Variants in CSMD2 observed in about 807,000 individuals in gnomAD.
The protein encoded by CSMD2 is CUB and Sushi multiple domains 2.
Under a neutral mutation model 398.5 loss-of-function variants are expected in CSMD2, and 130 were observed. That is an observed-to-expected ratio of 0.33 (90% confidence interval 0.28 to 0.38). The LOEUF (loss-of-function observed/expected upper bound fraction) is 0.38. Ranked by LOEUF, CSMD2 falls within the 10% of genes least tolerant of loss-of-function variation. The pLI is 1.00. For synonymous variants in CSMD2, 1,828 were observed against 1,908.5 expected, an observed-to-expected ratio of 0.96 and a Z score of 1.10; for missense variants, 3,829 against 4,764.9, an observed-to-expected ratio of 0.80 and a Z score of 5.78.
At chr1:34,046,382 C>T (rs1030877463) in intron 2 of CSMD2, among the ~76,000 whole-genome samples, 1 of 152,164 alleles carries the variant, frequency 6.6e-6, no homozygotes. Flanking sequence ...AATACTTATT[C>T]AGTTATTTGG....
In CSMD2 at chr1:33,694,171, C is replaced by T. The variant is rs537273615; in HGVS notation, c.3926-1115G>A. ...AGTGAAGGAAGTCAGACACATTGTG[C>T]GATTCCACTTATGTGAAATACCTAG... is the stretch of plus-strand genomic sequence containing the variant. On this transcript the variant is annotated intron_variant, in intron 24 of 70. Coordinates refer to ENST00000373381, the MANE Select transcript of CSMD2 (RefSeq NM_001281956.2). Among the ~76,000 whole-genome samples, 69 of 152,256 alleles carry T rather than the reference C, an allele frequency of 4.5e-4. No homozygotes were observed. In the South Asian group the frequency reaches 4.6e-3, roughly 10 times the overall value.
At chr1:33,527,398 G>A in intron 64 of CSMD2, 140 bp from the exon 65 acceptor site, 1 of 628,272 alleles carries the variant, frequency 1.6e-6, no homozygotes, top group South Asian at 2.1e-5. Flanking sequence ...TAGACCAGGA[G>A]GTAGACTGCT....
At chr1:33,565,241 G>T (rs6693247) in intron 53 of CSMD2, among the ~76,000 whole-genome samples, 70,366 of 151,930 alleles carry the variant, frequency 0.46, 16,739 homozygotes, top group Admixed American at 0.62. Flanking sequence ...AACAAATCTT[G>T]GTATGTCAAT....
At chr1:33,904,016 T>A (rs762094379) in intron 5 of CSMD2, among the ~76,000 whole-genome samples, 1 of 152,026 alleles carries the variant, frequency 6.6e-6, no homozygotes, top group African/African-American at 2.4e-5. Flanking sequence ...GCACAGAGAA[T>A]GGGTGTGAGT....
intron 42 of CSMD2, among the ~76,000 whole-genome samples, chr1:33,603,009 C>T (rs1640330072): frequency 6.6e-6 from 1 of 152,090 alleles, no homozygotes; most frequent in Non-Finnish European, 1.5e-5. Flanking sequence ...GTTGAGGGTT[C>T]CTGGGGTGAG....
intron 5 of CSMD2, among the ~76,000 whole-genome samples, chr1:33,901,581 G>A (rs1008974871): frequency 5.9e-5 from 9 of 152,200 alleles, no homozygotes; most frequent in African/African-American, 1.9e-4. Context: ...GCATCTAAAG[G>A]TTTCAGGAGG....
intron 16 of CSMD2, 115 bp from the exon 17 acceptor site, chr1:33,725,651 G>C: frequency 1.1e-6 from 1 of 884,502 alleles, no homozygotes; most frequent in South Asian, 1.6e-5. Flanking sequence ...GGCAGGCTGG[G>C]ATCTTTTAAT....
At chr1:34,129,831 G>A (rs1663147444) in intron 1 of CSMD2, among the ~76,000 whole-genome samples, 1 of 152,182 alleles carries the variant, frequency 6.6e-6, no homozygotes, top group African/African-American at 2.4e-5. Flanking sequence ...AGCCTGGCCT[G>A]CAGAGTCAGA....
chr1:33,652,410 T>C lies in CSMD2; in HGVS notation c.4499A>G (p.Asn1500Ser), dbSNP rs1407585906. 2 of 1,614,112 alleles carry C rather than the reference T, an allele frequency of 1.2e-6. No individual in the cohort carries two copies. Among genetic ancestry groups the C allele is most frequent in the Non-Finnish European group, 8.5e-7 (1 of 1,180,012 alleles). ...TGPSGVILSP[N>S]YPEPYPPGKE... ...GCCTGGCGGGTAGGGTTCTGGGTAATTTGGTGAGAGGATGACTCCAGATGG... is the reference window on the plus strand; with the variant it reads ...GCCTGGCGGGTAGGGTTCTGGGTAACTTGGTGAGAGGATGACTCCAGATGG... The change falls in exon 28 of 71, where the codon AAT becomes AGT. Residue 1500 changes from asparagine (N) to serine (S), a missense_variant. Asn to Ser is a conservative substitution (Grantham distance 46). Coordinates refer to ENST00000373381, the MANE Select transcript of CSMD2 (RefSeq NM_001281956.2).
intron 1 of CSMD2, among the ~76,000 whole-genome samples, chr1:34,127,970 C>T (rs971015386): frequency 3.9e-5 from 6 of 152,052 alleles, no homozygotes; most frequent in Non-Finnish European, 8.8e-5. Flanking sequence ...CCACACCCAT[C>T]GTCCCACCCT....
At chr1:33,812,574 G>A (rs763224701) in intron 9 of CSMD2, among the ~76,000 whole-genome samples, 3 of 152,252 alleles carry the variant, frequency 2.0e-5, no homozygotes, top group South Asian at 4.1e-4. Context: ...TGGTTAAAGC[G>A]AGGTCAGGTT....
At chr1:34,150,603 G>A (rs1438708783) in intron 1 of CSMD2, among the ~76,000 whole-genome samples, 1 of 152,128 alleles carries the variant, frequency 6.6e-6, no homozygotes, top group African/African-American at 2.4e-5. Flanking sequence ...ACTAAGCATA[G>A]GGCCTGAGTG....
At chr1:33,977,150 G>A (rs894166116) in intron 3 of CSMD2, among the ~76,000 whole-genome samples, 1 of 152,028 alleles carries the variant, frequency 6.6e-6, no homozygotes, top group Non-Finnish European at 1.5e-5. Context: ...TCCTGTCCAG[G>A]GTGCTGGAGG....
intron 15 of CSMD2, among the ~76,000 whole-genome samples, chr1:33,733,005 G>A (rs934052579): frequency 6.6e-6 from 1 of 152,192 alleles, no homozygotes; most frequent in Admixed American, 6.5e-5. Context: ...ACACTAGGAA[G>A]TCGCAGGGTC....
intron 11 of CSMD2, among the ~76,000 whole-genome samples, chr1:33,790,788 TATC>T (rs1298142562): frequency 6.8e-6 from 1 of 147,992 alleles, no homozygotes; most frequent in Non-Finnish European, 1.5e-5. Context: ...ATCAATCGTC[TATC>T]ATCTCTCTAA....
At chr1:33,914,394 G>GTA (rs938090772) in intron 5 of CSMD2, among the ~76,000 whole-genome samples, 3 of 146,122 alleles carry the variant, frequency 2.1e-5, no homozygotes, top group African/African-American at 7.4e-5. Context: ...CAGTGTGTGT[G>GTA]TGTGTGTGTG....
intron 15 of CSMD2, among the ~76,000 whole-genome samples, chr1:33,733,184 T>C (rs1646776215): frequency 1.3e-5 from 2 of 152,186 alleles, no homozygotes; most frequent in African/African-American, 4.8e-5. Flanking sequence ...GTGGAAGTCC[T>C]TTCCTCTGAC....
chr1:34,048,668 G>T (rs1652823495), intron 2 of CSMD2, among the ~76,000 whole-genome samples: 1 of 152,178 alleles, frequency 6.6e-6, no homozygotes, highest in Non-Finnish European at 1.5e-5. Context: ...TGCCCTTCCT[G>T]TTGGCCGCCA....
chr1:34,059,752 A>C (rs1472312900), intron 2 of CSMD2, among the ~76,000 whole-genome samples: 1 of 123,698 alleles, frequency 8.1e-6, no homozygotes, highest in Non-Finnish European at 1.8e-5. Context: ...ACGAATGAAC[A>C]CAAGCAGTAA....
Sources: allele counts gnomAD v4.1 joint callset (sites outside exome capture counted in the v4.1 genomes callset), GRCh38; gene constraint gnomAD v4.1.1; transcripts MANE v1.5; gene names NCBI Gene and HGNC (gene_info 2026-07-23, HGNC 2026-07-21).